The following SV2C variants were observed in gnomAD, a reference collection of about 807,000 sequenced individuals.
SV2C encodes solute carrier family 22 member B3.
In SV2C, 49 loss-of-function variants were observed where a neutral mutation model predicts 79.7. The observed-to-expected ratio is 0.61, with a 90% CI of 0.49 to 0.78. The LOEUF (loss-of-function observed/expected upper bound fraction) is 0.78. Among genes scored for constraint, SV2C ranks in the 30% least tolerant of loss-of-function variants. SV2C has a pLI of 0.00. For synonymous variants in SV2C, 334 were observed against 333.2 expected, an observed-to-expected ratio of 1.00 and a Z score of -0.03; for missense variants, 833 against 912.9, an observed-to-expected ratio of 0.91 and a Z score of 1.13.
chr5:76,093,859 A>C (rs1747459644), intron 1 of SV2C, among the ~76,000 whole-genome samples: 1 of 152,140 alleles, frequency 6.6e-6, no homozygotes, highest in Non-Finnish European at 1.5e-5. Flanking sequence ...TGACATCACT[A>C]TTCCAAGGAA....
intron 4 of SV2C, among the ~76,000 whole-genome samples, chr5:76,244,597 A>T (rs1402284292): frequency 6.6e-6 from 1 of 152,310 alleles, no homozygotes; most frequent in East Asian, 1.9e-4. Flanking sequence ...TATCCTTTAA[A>T]TCTGGTATGT....
intron 6 of SV2C, among the ~76,000 whole-genome samples, chr5:76,289,546 T>G (rs972550544): frequency 6.6e-6 from 1 of 152,212 alleles, no homozygotes; most frequent in Admixed American, 6.5e-5. Flanking sequence ...ACCCAAAAAC[T>G]ATATTCTTTC....
At chr5:76,335,237 T>G (rs1358786502), downstream of SV2C, among the ~76,000 whole-genome samples, 2 of 152,132 alleles carry the variant, frequency 1.3e-5, no homozygotes, top group East Asian at 3.9e-4. Context: ...CAGCTCTCAC[T>G]TCTTCCAGGT....
intron 6 of SV2C, among the ~76,000 whole-genome samples, chr5:76,286,196 AG>A (rs1483803283): frequency 6.6e-6 from 1 of 152,178 alleles, no homozygotes; most frequent in African/African-American, 2.4e-5. Context: ...TAAGGTGGAA[AG>A]ACTGCATTTT....
At chr5:75,860,884 T>G in the SV2C span, among the ~76,000 whole-genome samples, 1 of 152,220 alleles carries the variant, frequency 6.6e-6, no homozygotes, top group South Asian at 2.1e-4. Flanking sequence ...GCTAGCCATA[T>G]GCAGAAGACT....
intron 2 of SV2C, among the ~76,000 whole-genome samples, chr5:76,185,418 C>A: frequency 6.6e-6 from 1 of 152,246 alleles, no homozygotes; most frequent in Non-Finnish European, 1.5e-5. Context: ...TCCTTCCTTA[C>A]TACCTTAGCA....
At chr5:75,967,623 G>A in the SV2C span, among the ~76,000 whole-genome samples, 1 of 152,194 alleles carries the variant, frequency 6.6e-6, no homozygotes, top group South Asian at 2.1e-4. Flanking sequence ...GAGGCTGGGG[G>A]AGGGGCACCC....
At chr5:76,118,803 G>A (rs145728256) in intron 1 of SV2C, among the ~76,000 whole-genome samples, 96 of 152,246 alleles carry the variant, frequency 6.3e-4, no homozygotes, top group African/African-American at 1.9e-3. Flanking sequence ...CCAATATGGC[G>A]AAACCCTATC....
chr5:76,181,313 G>A (rs1360143143), intron 2 of SV2C, among the ~76,000 whole-genome samples: 2 of 152,180 alleles, frequency 1.3e-5, no homozygotes, highest in Non-Finnish European at 2.9e-5. Context: ...AGTAGAGTCC[G>A]TATGGCCCAC....
chr5:75,974,383 T>G, the SV2C span, among the ~76,000 whole-genome samples: 1 of 152,252 alleles, frequency 6.6e-6, no homozygotes, highest in East Asian at 1.9e-4. Context: ...TTAAGGGAAA[T>G]GTCAGTAAAA....
the SV2C span, among the ~76,000 whole-genome samples, chr5:75,928,973 C>T: frequency 6.6e-6 from 1 of 152,194 alleles, no homozygotes; most frequent in Non-Finnish European, 1.5e-5. Context: ...CTTCTTTCCT[C>T]TGCCTGCATA....
chr5:75,923,322 G>A, the SV2C span, among the ~76,000 whole-genome samples: 1 of 152,116 alleles, frequency 6.6e-6, no homozygotes, highest in Admixed American at 6.6e-5. Flanking sequence ...AAAAATTCTA[G>A]AAGATAACAT....
chr5:75,925,042 G>A, the SV2C span, among the ~76,000 whole-genome samples: 1 of 152,032 alleles, frequency 6.6e-6, no homozygotes, highest in East Asian at 1.9e-4. Flanking sequence ...GCCCTCACCT[G>A]CCTATAGATA....
the SV2C span, among the ~76,000 whole-genome samples, chr5:76,033,359 T>C: frequency 2.0e-5 from 3 of 152,206 alleles, no homozygotes; most frequent in Non-Finnish European, 4.4e-5. Flanking sequence ...TAGGTTTTCT[T>C]CTAGGGTTTC....
chr5:76,136,692 A>C (rs565251511), intron 2 of SV2C, among the ~76,000 whole-genome samples: 114 of 152,326 alleles, frequency 7.5e-4, no homozygotes, highest in African/African-American at 2.7e-3. Context: ...ACAAACCTTC[A>C]CATTCTGCAC....
intron 4 of SV2C, among the ~76,000 whole-genome samples, chr5:76,215,739 A>G (rs1744892714): frequency 6.6e-6 from 1 of 152,188 alleles, no homozygotes; most frequent in Non-Finnish European, 1.5e-5. Context: ...AGTGTAATAA[A>G]GTGACTCAGA....
the SV2C span, among the ~76,000 whole-genome samples, chr5:75,949,345 G>A: frequency 1.3e-5 from 2 of 152,110 alleles, no homozygotes. Flanking sequence ...ACCCATTGGT[G>A]GGGCTTGGGC....
intron 1 of SV2C, among the ~76,000 whole-genome samples, chr5:76,087,334 G>A (rs951440452): frequency 1.3e-5 from 2 of 152,172 alleles, no homozygotes; most frequent in Non-Finnish European, 2.9e-5. Flanking sequence ...CCCATAGATA[G>A]TATATAATAC....
In SV2C at chr5:76,325,649, A is replaced by C. The variant is rs553901434; in HGVS notation, c.*102A>C. 6.4e-5 allele frequency: 96 copies of C among 1,492,822 alleles called. 1 individual carries two copies. The South Asian group carries it at 1.2e-3, about 19-fold the overall frequency. 92.5% of individuals were successfully genotyped at this position (1,492,822 alleles called of 1,614,324 possible). ...AGTTTTCCTATATAGAAAGGTGATC[A>C]AGTATCAGAACATAAACACGTGCTG... On this transcript the variant is annotated 3_prime_UTR_variant, in exon 13 of 13. Transcript: ENST00000502798.
Sources: allele counts gnomAD v4.1 joint callset (sites outside exome capture counted in the v4.1 genomes callset), GRCh38; gene constraint gnomAD v4.1.1; transcripts MANE v1.5; gene names NCBI Gene and HGNC (gene_info 2026-07-23, HGNC 2026-07-21).